F5: variants seen among roughly 807,000 people sequenced by gnomAD.
The protein encoded by F5 is coagulation factor V.
F5 carries 138 observed loss-of-function variants against 216.4 expected under a neutral mutation model. The observed-to-expected ratio is 0.64, with a 90% CI of 0.56 to 0.73. The LOEUF is 0.73. Among genes scored for constraint, F5 ranks in the 30% least tolerant of loss-of-function variants. F5 has a pLI of 0.00. For missense variants in F5, 2,403 were observed against 2,674.0 expected, an observed-to-expected ratio of 0.90 and a Z score of 2.24; for synonymous variants, 916 against 930.7, an observed-to-expected ratio of 0.98 and a Z score of 0.29.
At position 169,542,760 on chromosome 1, in the gene F5, T is replaced by C. The variant is rs759535641; in HGVS notation, c.2330A>G (p.Tyr777Cys). The C allele has an allele frequency of 6.2e-7, 1 of 1,614,140 alleles. No individual in the cohort carries two copies. The highest frequency in any genetic ancestry group is 8.5e-7 in the Non-Finnish European group (1 of 1,179,990). ...SNTDIIVGSN[Y>C]SSPSNISKFT... ...CTTACTAATATTACTTGGGGAAGAA[T>C]AATTTGAACCAACAATTATATCTGT... The change falls in exon 13 of 25, where the codon TAT becomes TGT. Residue 777 changes from tyrosine to cysteine, a missense_variant. Coordinates refer to ENST00000367797, the MANE Select transcript of F5 (RefSeq NM_000130.5).
chr1:169,536,569 C>T lies in F5; in HGVS notation c.4908G>A (p.Glu1636=), dbSNP rs1033375366. The T allele has an allele frequency of 2.5e-6, 4 of 1,613,546 alleles. No homozygotes were observed. Among genetic ancestry groups the T allele is most frequent in the Non-Finnish European group, 3.4e-6 (4 of 1,179,648 alleles). Residue 1636 remains glutamate, a synonymous_variant, in exon 14 of 25, where the codon GAG becomes GAA. Transcript: ENST00000367797. ...STFTKRDPRG[E]YEEHLGILGP... is the part of the protein sequence containing the mutation. ...CAAGAATTCCGAGATGCTCTTCATA[C>T]TCCCCTCGAGGATCACGTTTGGTAA...
At chr1:169,529,430 C>A (rs1042067192) in intron 16 of F5, among the ~76,000 whole-genome samples, 178 bp downstream of exon 16, 1 of 152,124 alleles carries the variant, frequency 6.6e-6, no homozygotes, top group African/African-American at 2.4e-5. Context: ...TTGCCTCACC[C>A]ACAGTGTCAC....
At chr1:169,529,355 G>A (rs1333597683) in intron 16 of F5, among the ~76,000 whole-genome samples, 1 of 152,156 alleles carries the variant, frequency 6.6e-6, no homozygotes, top group Non-Finnish European at 1.5e-5. Context: ...GCTTTTTGTT[G>A]TTGTGGTTTT....
chr1:169,522,317 G>A (rs2420371), intron 21 of F5, among the ~76,000 whole-genome samples: 145,324 of 152,250 alleles, frequency 0.95, 69,405 homozygotes, highest in East Asian at 1. Context: ...ATGCTTACCA[G>A]TTTTATGAAA....
chr1:169,559,592 C>T lies in F5; in HGVS notation c.587-296G>A, dbSNP rs6427202. 0.67 allele frequency among the ~76,000 whole-genome samples: 102,206 copies of T among 151,888 alleles called. 35,596 individuals are homozygous for T. Among genetic ancestry groups the T allele is most frequent in the East Asian group, 0.88 (4,546 of 5,166 alleles). On this transcript the variant is annotated intron_variant, in intron 4 of 24. Coordinates refer to ENST00000367797, the MANE Select transcript of F5 (RefSeq NM_000130.5). ...AGACTCTGTACAAGTATCCATTTCCCCCAGTCTCAATAGAAGAGTATATAG... is the reference window on the plus strand; with the variant it reads ...AGACTCTGTACAAGTATCCATTTCCTCCAGTCTCAATAGAAGAGTATATAG...
intron 3 of F5, among the ~76,000 whole-genome samples, chr1:169,568,632 G>A (rs1250983453): frequency 6.6e-6 from 1 of 152,136 alleles, no homozygotes; most frequent in Non-Finnish European, 1.5e-5. Context: ...TCAGCTGCTT[G>A]CTGGAATAAA....
At position 169,574,945 on chromosome 1, in the gene F5, C is replaced by A. The variant is rs540299694; in HGVS notation, c.251-2602G>T. On this transcript the variant is annotated intron_variant, in intron 2 of 24. Coordinates refer to ENST00000367797, the MANE Select transcript of F5 (RefSeq NM_000130.5). ...TAAAATAGATACACCCACTCCCTGC[C>A]TTCATAGAGTTTATAAAAGTCAAAC... 3.0e-3 allele frequency among the ~76,000 whole-genome samples: 455 copies of A among 152,232 alleles called. 1 individual carries two copies. Among genetic ancestry groups the A allele is most frequent in the Non-Finnish European group, 5.3e-3 (359 of 68,006 alleles).
chr1:169,548,806 T>A (rs1300405693), intron 10 of F5, among the ~76,000 whole-genome samples: 2 of 151,500 alleles, frequency 1.3e-5, no homozygotes, highest in East Asian at 3.9e-4. Flanking sequence ...GAGGCAGAGG[T>A]TGCAGTGATC....
At position 169,513,198 on chromosome 1, in the gene F5, G is replaced by A. The variant is rs2040444; in HGVS notation, c.*1115C>T. 0.49 allele frequency among the ~76,000 whole-genome samples: 73,623 copies of A among 151,718 alleles called. 18,458 individuals carry two copies. Among genetic ancestry groups the A allele is most frequent in the East Asian group, 0.67 (3,466 of 5,162 alleles). ...ACATAACATTTTGATATATGTACAC[G>A]TTACAGGATGATTAAATCAAGCTAA... On this transcript the variant is annotated 3_prime_UTR_variant, in exon 25 of 25. Coordinates refer to ENST00000367797, the MANE Select transcript of F5 (RefSeq NM_000130.5).
At chr1:169,545,598 T>C (rs1371751032) in intron 11 of F5, among the ~76,000 whole-genome samples, 2 of 152,250 alleles carry the variant, frequency 1.3e-5, no homozygotes, top group Non-Finnish European at 2.9e-5. Context: ...ATAGATTCAC[T>C]GCCAAAAGGA....
intron 2 of F5, among the ~76,000 whole-genome samples, chr1:169,573,093 A>G (rs1660764084): frequency 6.6e-6 from 1 of 152,010 alleles, no homozygotes; most frequent in South Asian, 2.1e-4. Flanking sequence ...GATTGCAGGC[A>G]TGCACCACCA....
intron 13 of F5, among the ~76,000 whole-genome samples, chr1:169,538,311 A>G (rs991202382): frequency 1.3e-5 from 2 of 152,206 alleles, no homozygotes; most frequent in South Asian, 4.1e-4. Context: ...AAGGTAGAAC[A>G]GTGGTTAACA....
At chr1:169,539,588 C>T (rs1043802870) in intron 13 of F5, among the ~76,000 whole-genome samples, 3 of 152,160 alleles carry the variant, frequency 2.0e-5, no homozygotes, top group African/African-American at 7.2e-5. Context: ...ATGCATAAGT[C>T]ACACCATACA....
chr1:169,548,496 T>C (rs180952346), intron 10 of F5, among the ~76,000 whole-genome samples: 6 of 152,314 alleles, frequency 3.9e-5, no homozygotes, highest in African/African-American at 1.2e-4. Context: ...TGAGAGTCCA[T>C]TGTGTACACA....
intron 21 of F5, among the ~76,000 whole-genome samples, chr1:169,522,298 G>C (rs552511693): frequency 6.6e-6 from 1 of 152,116 alleles, no homozygotes; most frequent in Admixed American, 6.6e-5. Flanking sequence ...CTAGAATGTA[G>C]AAAAGAGCAT....
chr1:169,555,321 T>C lies in F5; in HGVS notation c.979A>G (p.Lys327Glu). 6.2e-7 allele frequency: 1 copy of C among 1,614,108 alleles called. No homozygotes were observed. The highest frequency in any genetic ancestry group is 8.5e-7 in the Non-Finnish European group (1 of 1,180,012). ...QAGMQAYIDI[K>E]NCPKKTRNLK... ...TTCCTGGTTTTCTTTGGGCAGTTTT[T>C]AATGTCAATGTAAGCCTGCATCCCA... is the stretch of plus-strand genomic sequence containing the variant. The change falls in exon 7 of 25, where the codon AAA (lysine) becomes GAA (glutamate). Residue 327 changes from lysine (K) to glutamate (E), a missense_variant. By Grantham distance (56) the Lys-to-Glu change is moderately conservative (BLOSUM62 1). Around this residue, in one of 4 missense-constraint regions of F5, gnomAD observed 1,425 missense variants for 1,554.8 expected, o/e 0.92. Coordinates refer to ENST00000367797, the MANE Select transcript of F5 (RefSeq NM_000130.5).
chr1:169,560,866 T>A, intron 3 of F5, 100 bp from the exon 4 acceptor site: 1 of 969,342 alleles, frequency 1.0e-6, no homozygotes, highest in African/African-American at 1.6e-5. Context: ...TCTCTGGAGA[T>A]GCATATGTCC....
At chr1:169,544,596 T>A in intron 11 of F5, 88 bp from the exon 12 acceptor site, 1 of 1,125,368 alleles carries the variant, frequency 8.9e-7, no homozygotes, top group Non-Finnish European at 1.3e-6. Context: ...GTCTCCATGT[T>A]AATTTGGTTG....
At chr1:169,523,932 TTC>T in intron 19 of F5, 28 bp from the exon 20 acceptor site, 1 of 1,581,882 alleles carries the variant, frequency 6.3e-7, no homozygotes, top group Non-Finnish European at 8.7e-7. Flanking sequence ...AAAAGATTTA[TTC>T]TGAATTTTTT....
Sources: allele counts gnomAD v4.1 joint callset (sites outside exome capture counted in the v4.1 genomes callset), GRCh38; gene constraint gnomAD v4.1.1; regional missense constraint gnomAD v4.1.1; transcripts MANE v1.5; gene names NCBI Gene and HGNC (gene_info 2026-07-23, HGNC 2026-07-21).